The following DSN1 variants were observed in gnomAD, a reference collection of about 807,000 sequenced individuals.
DSN1 encodes DSN1 component of MIS12 kinetochore complex.
A neutral mutation model predicts 45.7 loss-of-function variants in DSN1; 31 were observed. The observed-to-expected ratio is 0.68, with a 90% CI of 0.51 to 0.92. DSN1 has a LOEUF of 0.92. DSN1 is among the 40% of genes least tolerant of loss of function. The pLI, the probability that DSN1 is intolerant of heterozygous loss-of-function variation, is 0.00. For missense variants in DSN1, 394 were observed against 414.2 expected, an observed-to-expected ratio of 0.95 and a Z score of 0.42; for synonymous variants, 134 against 142.3, an observed-to-expected ratio of 0.94 and a Z score of 0.41.
At chr20:36,758,493 TCCAAG>T in intron 7 of DSN1, 60 bp downstream of exon 7, 2 of 1,400,554 alleles carry the variant, frequency 1.4e-6, no homozygotes, top group Admixed American at 3.9e-5. Flanking sequence ...ATTCATTTTT[TCCAAG>T]TTAGTTAATT....
intron 1 of DSN1, among the ~76,000 whole-genome samples, chr20:36,773,095 A>G (rs962595264): frequency 2.0e-5 from 3 of 152,268 alleles, no homozygotes; most frequent in Non-Finnish European, 4.4e-5. Context: ...CCTTATGACA[A>G]TATCACACAA....
intron 2 of DSN1, 42 bp from the exon 3 acceptor site, chr20:36,771,235 C>G (rs772851030): frequency 6.4e-7 from 1 of 1,557,980 alleles, no homozygotes; most frequent in South Asian, 1.2e-5. Flanking sequence ...AGATCAAGCC[C>G]GCCACAACTA....
At chr20:36,766,967 T>A in intron 4 of DSN1, 126 bp from the exon 5 acceptor site, 2 of 580,544 alleles carry the variant, frequency 3.4e-6, no homozygotes, top group Non-Finnish European at 5.8e-6. Flanking sequence ...TTTTTACACA[T>A]AAGACTTTTC....
chr20:36,758,017 C>A (rs1986768967), intron 8 of DSN1, 70 bp downstream of exon 8: 1 of 1,407,262 alleles, frequency 7.1e-7, no homozygotes, highest in South Asian at 1.2e-5. Context: ...TTTGTGCTAA[C>A]AGAACTGAAA....
intron 6 of DSN1, 49 bp from the exon 7 acceptor site, chr20:36,758,666 T>C: frequency 6.6e-7 from 1 of 1,509,330 alleles, no homozygotes; most frequent in Non-Finnish European, 9.0e-7. Flanking sequence ...AAATATTTGC[T>C]TTAATATAAT....
intron 7 of DSN1, among the ~76,000 whole-genome samples, 168 bp downstream of exon 7, chr20:36,758,390 A>G (rs1464310308): frequency 6.6e-6 from 1 of 152,236 alleles, no homozygotes; most frequent in East Asian, 1.9e-4. Context: ...TATGAAATTG[A>G]TCATTAGTAG....
Position 36,752,605 on chromosome 20 carries a change from C to T in DSN1, c.*183G>A, listed in dbSNP as rs1986434030. On this transcript the variant is annotated 3_prime_UTR_variant, in exon 11 of 11. Transcript: ENST00000373750. The stretch of plus-strand genomic sequence containing the variant: ...TTTTGCACATTCCTGGGAAAATTGT[C>T]TATACAATATTCATTTGGATGTACA... 2.1e-6 allele frequency: 1 copy of T among 484,682 alleles called. No individual in the cohort carries two copies. The highest frequency in any genetic ancestry group is 3.8e-5 in the South Asian group (1 of 26,062). The allele number at this position is 484,682 out of a possible 1,614,324, so 30.0% of individuals were successfully genotyped here. A position where few individuals can be genotyped will look rare whatever the true frequency, so the allele number is the denominator to read the frequency against.
intron 10 of DSN1, among the ~76,000 whole-genome samples, chr20:36,753,961 G>A (rs1255269061): frequency 2.0e-5 from 3 of 149,670 alleles, no homozygotes; most frequent in Non-Finnish European, 3.0e-5. Context: ...AGCCGAGATC[G>A]CACCATTGCA....
At position 36,758,561 on chromosome 20, in the gene DSN1, G is replaced by T. The variant is rs968198327; in HGVS notation, c.647C>A (p.Thr216Lys). The change falls in exon 7 of 11, where the codon ACA (threonine) becomes AAA (lysine). Residue 216 changes from threonine to lysine, a missense_variant. Physicochemically the swap from Thr to Lys is moderately conservative, Grantham distance 78. Coordinates refer to ENST00000373750, the MANE Select transcript of DSN1 (RefSeq NM_001145315.2). ...ASVAEMKEYI[T>K]KFSLERQTWD... ...TTTCTAACAAAGGTTAACTTACTTT[G>T]TTATGTATTCCTTCATCTCAGCCAC... is the stretch of plus-strand genomic sequence containing the variant. 2.5e-6 allele frequency: 4 copies of T among 1,607,148 alleles called. No individual in the cohort carries two copies. The East Asian group carries it at 8.9e-5, about 36-fold the overall frequency.
Position 36,758,635 on chromosome 20 carries a change from T to C in DSN1, c.591-18A>G. 2 of 1,599,852 alleles carry C rather than the reference T, an allele frequency of 1.3e-6. No individual in the cohort carries two copies. The highest frequency in any genetic ancestry group is 1.7e-6 in the Non-Finnish European group (2 of 1,173,834). On this transcript the variant is annotated intron_variant, in intron 6 of 10. Transcript: ENST00000373750. Reference sequence around the variant, plus strand: ...ATGCTTTTCTGGAAAACAGATAGGATTATGACATAAATCTTTCAAGAAATA... The same window carrying C: ...ATGCTTTTCTGGAAAACAGATAGGACTATGACATAAATCTTTCAAGAAATA...
chr20:36,773,746 C>T lies in DSN1; in HGVS notation c.-100G>A, dbSNP rs572539967. Reference sequence around the variant, plus strand: ...GCACCCGCAGCCGATACTCCCTGATCAGGGTGAAGCGGTCTCCACCTTCTA... The same window carrying T: ...GCACCCGCAGCCGATACTCCCTGATTAGGGTGAAGCGGTCTCCACCTTCTA... On this transcript the variant is annotated 5_prime_UTR_variant, in exon 1 of 11. Transcript: ENST00000373750. 2.0e-6 allele frequency: 2 copies of T among 985,548 alleles called. No homozygotes were observed. The highest frequency in any genetic ancestry group is 1.1e-4 in the East Asian group (1 of 8,820). 61.1% of individuals were successfully genotyped at this position (985,548 alleles called of 1,614,324 possible). A position where few individuals can be genotyped will look rare whatever the true frequency, so the allele number is the denominator to read the frequency against.
At chr20:36,769,024 A>T (rs940447544) in intron 3 of DSN1, among the ~76,000 whole-genome samples, 2 of 152,226 alleles carry the variant, frequency 1.3e-5, no homozygotes, top group Admixed American at 1.3e-4. Flanking sequence ...GTATCCTATG[A>T]ATTCCATTCA....
At position 36,758,628 on chromosome 20, in the gene DSN1, G is replaced by C; in HGVS notation, c.591-11C>G. 1 of 1,608,214 alleles carries C rather than the reference G, an allele frequency of 6.2e-7. No homozygotes were observed. The highest frequency in any genetic ancestry group is 8.5e-7 in the Non-Finnish European group (1 of 1,177,526). On this transcript the variant is annotated splice_polypyrimidine_tract_variant and intron_variant, in intron 6 of 10. Coordinates refer to ENST00000373750, the MANE Select transcript of DSN1 (RefSeq NM_001145315.2). ...AAATCTGATGCTTTTCTGGAAAACA[G>C]ATAGGATTATGACATAAATCTTTCA...
At chr20:36,772,072 G>T (rs1987678468) in intron 1 of DSN1, among the ~76,000 whole-genome samples, 1 of 151,880 alleles carries the variant, frequency 6.6e-6, no homozygotes, top group Admixed American at 6.6e-5. Context: ...GTAGAGATGG[G>T]GTTTCCCCAT....
chr20:36,773,614 G>T, intron 1 of DSN1, 48 bp downstream of exon 1: 1 of 985,744 alleles, frequency 1.0e-6, no homozygotes, highest in South Asian at 4.7e-5. Context: ...CACATCAGAG[G>T]ACAAGTCTGT....
intron 8 of DSN1, among the ~76,000 whole-genome samples, chr20:36,756,191 A>G (rs1986667368): frequency 6.6e-6 from 1 of 152,146 alleles, no homozygotes; most frequent in Admixed American, 6.6e-5. Context: ...CATGTTGGCC[A>G]GGCTGGTCTC....
rs66970744 is a variant in DSN1, at chr20:36,769,902, TACACACACACACACACACAC to T, written c.355+951_355+970del. ...CCTAAAAACTGTTTTTCACTGTAGATACACACACACACACACACACACACACACACACACACACAGAGAGA... is the reference window on the plus strand; with the variant it reads ...CCTAAAAACTGTTTTTCACTGTAGATACACACACACACACACACAGAGAGA... On this transcript the variant is annotated intron_variant, in intron 3 of 10. Coordinates refer to ENST00000373750, the MANE Select transcript of DSN1 (RefSeq NM_001145315.2). 9.4e-5 allele frequency among the ~76,000 whole-genome samples: 11 copies of T among 117,336 alleles called. No individual in the cohort carries two copies. The East Asian group carries it at 2.5e-3, about 26-fold the overall frequency. 77.0% of individuals were successfully genotyped at this position (117,336 alleles called of 152,430 possible).
chr20:36,760,835 A>C (rs1308245145), intron 6 of DSN1, among the ~76,000 whole-genome samples: 2 of 152,188 alleles, frequency 1.3e-5, no homozygotes, highest in Non-Finnish European at 2.9e-5. Context: ...GGTTGCAGTG[A>C]GTAGAGATTG....
intron 6 of DSN1, among the ~76,000 whole-genome samples, chr20:36,761,322 C>T (rs190000317): frequency 2.6e-5 from 4 of 152,246 alleles, no homozygotes; most frequent in Non-Finnish European, 5.9e-5. Flanking sequence ...CCTAGATTAT[C>T]GCTGAGTCAT....
Sources: allele counts gnomAD v4.1 joint callset (sites outside exome capture counted in the v4.1 genomes callset), GRCh38; gene constraint gnomAD v4.1.1; transcripts MANE v1.5; gene names NCBI Gene and HGNC (gene_info 2026-07-23, HGNC 2026-07-21).